ABHD17B: variants seen among roughly 807,000 people sequenced by gnomAD.
The protein encoded by ABHD17B is abhydrolase domain containing 17B, depalmitoylase, also known as alpha/beta hydrolase domain-containing protein 17B.
Under a neutral mutation model 26.2 loss-of-function variants are expected in ABHD17B, and 9 were observed. The observed-to-expected ratio is 0.34, with a 90% CI of 0.21 to 0.60. The LOEUF (loss-of-function observed/expected upper bound fraction) is 0.60, where lower values mean the gene tolerates loss of function less well. Ranked by LOEUF, ABHD17B falls within the 20% of genes least tolerant of loss-of-function variation. The pLI is 0.80. For missense variants in ABHD17B, 224 were observed against 352.1 expected (o/e 0.64, Z 2.91); for synonymous variants, 127 against 122.3 (o/e 1.04, Z -0.25).
intron 1 of ABHD17B, among the ~76,000 whole-genome samples, chr9:71,897,043 TA>T (rs1212803827): frequency 6.6e-6 from 1 of 152,194 alleles, no homozygotes; most frequent in African/African-American, 2.4e-5. Flanking sequence ...CACATGAATT[TA>T]TAACTAGAAA....
intron 1 of ABHD17B, among the ~76,000 whole-genome samples, chr9:71,887,737 C>T (rs1393698357): frequency 6.6e-6 from 1 of 152,202 alleles, no homozygotes; most frequent in Non-Finnish European, 1.5e-5. Context: ...GAGCACCTTC[C>T]TTCCTGGCTT....
downstream of ABHD17B, chr9:71,862,664 A>ATG: frequency 1.2e-6 from 1 of 810,360 alleles, no homozygotes; most frequent in East Asian, 2.5e-5. Flanking sequence ...ATCTGAGTTT[A>ATG]TGTGGCTTTC....
chr9:71,877,039 G>C (rs769332053), intron 1 of ABHD17B, among the ~76,000 whole-genome samples: 3 of 152,182 alleles, frequency 2.0e-5, no homozygotes, highest in Admixed American at 6.5e-5. Flanking sequence ...AGGGCTTCCT[G>C]AAGTGTTGTG....
chr9:71,886,651 C>T (rs1218694785), intron 1 of ABHD17B, among the ~76,000 whole-genome samples: 1 of 152,088 alleles, frequency 6.6e-6, no homozygotes, highest in East Asian at 1.9e-4. Flanking sequence ...TCCCGAGCAG[C>T]TGGGACCACA....
chr9:71,906,772 G>A (rs1242316746), intron 1 of ABHD17B, among the ~76,000 whole-genome samples: 2 of 151,488 alleles, frequency 1.3e-5, no homozygotes, highest in Non-Finnish European at 2.9e-5. Flanking sequence ...GAGTTGTATG[G>A]CTCCAGAGAT....
chr9:71,888,102 CACT>C (rs1259951283), intron 1 of ABHD17B, among the ~76,000 whole-genome samples: 1 of 152,202 alleles, frequency 6.6e-6, no homozygotes, highest in Non-Finnish European at 1.5e-5. Flanking sequence ...GTATCCTAAA[CACT>C]TACAATCTTG....
intron 1 of ABHD17B, among the ~76,000 whole-genome samples, chr9:71,881,616 G>A (rs1826442056): frequency 6.6e-6 from 1 of 152,172 alleles, no homozygotes; most frequent in Admixed American, 6.5e-5. Context: ...AGCTGGGCAC[G>A]GTGGCTCAAG....
At chr9:71,868,116 G>A (rs1287897541) in intron 3 of ABHD17B, among the ~76,000 whole-genome samples, 7 of 151,854 alleles carry the variant, frequency 4.6e-5, no homozygotes, top group Admixed American at 6.6e-5. Flanking sequence ...CTACTCGCGA[G>A]GCTGAGGCAG....
At chr9:71,891,481 T>G (rs576449362) in intron 1 of ABHD17B, among the ~76,000 whole-genome samples, 173 of 152,362 alleles carry the variant, frequency 1.1e-3, no homozygotes, top group African/African-American at 3.9e-3. Context: ...CTTTTCTTTT[T>G]GTTCTCTTCA....
chr9:71,894,492 C>A (rs1826897611), intron 1 of ABHD17B, among the ~76,000 whole-genome samples: 1 of 152,104 alleles, frequency 6.6e-6, no homozygotes, highest in Non-Finnish European at 1.5e-5. Context: ...TACAGGTGCC[C>A]CGCCACGACA....
chr9:71,864,428 C>T (rs550212480), downstream of ABHD17B, among the ~76,000 whole-genome samples: 46 of 151,778 alleles, frequency 3.0e-4, 1 homozygote, highest in Admixed American at 6.6e-5. Flanking sequence ...ACCGTGTTAG[C>T]CAGGATGGTC....
chr9:71,889,541 G>C (rs1564069202), intron 1 of ABHD17B, among the ~76,000 whole-genome samples: 1 of 152,098 alleles, frequency 6.6e-6, no homozygotes, highest in Non-Finnish European at 1.5e-5. Context: ...ATTACACAGG[G>C]AAGTTGGGGG....
intron 3 of ABHD17B, among the ~76,000 whole-genome samples, chr9:71,868,411 C>A (rs375826200): frequency 1.3e-5 from 2 of 152,074 alleles, no homozygotes; most frequent in African/African-American, 4.8e-5. Context: ...CTTCAAATAA[C>A]AGAGGAATCA....
In ABHD17B at chr9:71,886,713, G is replaced by T. The variant is rs1013621531; in HGVS notation, c.-3-11630C>A. The stretch of plus-strand genomic sequence containing the variant: ...TATTCGTACTTTTTGTAGAGACAGG[G>T]TTTCATGGATGAAACGGGTTCACAG... On this transcript the variant is annotated intron_variant, in intron 1 of 3. Transcript: ENST00000333421. Among the ~76,000 whole-genome samples the T allele has an allele frequency of 2.0e-5, 3 of 151,920 alleles. No homozygotes were observed. In the South Asian group the frequency reaches 6.2e-4, roughly 32 times the overall value.
rs538872290 is a variant in ABHD17B at position 71,865,816 on chromosome 9, G to A, written c.*971C>T. ...GCAGAGGTTGCAGTGAATCAAGATCGCGCCACTGCACTCCAGCCTCAGTGA... is the reference window on the plus strand; with the variant it reads ...GCAGAGGTTGCAGTGAATCAAGATCACGCCACTGCACTCCAGCCTCAGTGA... On this transcript the variant is annotated 3_prime_UTR_variant, in exon 4 of 4. Transcript: ENST00000333421. 35 of 901,408 alleles carry A rather than the reference G, an allele frequency of 3.9e-5. No homozygotes were observed. The highest frequency in any genetic ancestry group is 5.1e-5 in the South Asian group (1 of 19,534). The allele number at this position is 901,408 out of a possible 1,614,324, so 55.8% of individuals were successfully genotyped here.
chr9:71,906,925 G>A (rs1827303122), intron 1 of ABHD17B, among the ~76,000 whole-genome samples: 1 of 152,138 alleles, frequency 6.6e-6, no homozygotes, highest in Non-Finnish European at 1.5e-5. Flanking sequence ...TACACTTGGT[G>A]GCTAATCTTG....
rs182422229 is a variant in ABHD17B at position 71,881,645 on chromosome 9, C to T, written c.-3-6562G>A. Reference sequence around the variant, plus strand: ...GCTCAAGCCTGTAATCCCAGCACTTCGGAAGGCCGAGGCGGACGGATCATG... The same window carrying T: ...GCTCAAGCCTGTAATCCCAGCACTTTGGAAGGCCGAGGCGGACGGATCATG... On this transcript the variant is annotated intron_variant, in intron 1 of 3. Coordinates refer to ENST00000333421, the MANE Select transcript of ABHD17B (RefSeq NM_001025780.3). Among the ~76,000 whole-genome samples, 261 of 152,246 alleles carry T rather than the reference C, an allele frequency of 1.7e-3. 3 individuals carry two copies. The highest frequency in any genetic ancestry group is 5.9e-3 in the African/African-American group (245 of 41,552).
Position 71,865,203 on chromosome 9 carries a change from C to T in ABHD17B, c.*1584G>A. 1.0e-6 allele frequency: 1 copy of T among 985,504 alleles called. No individual in the cohort carries two copies. The highest frequency in any genetic ancestry group is 1.2e-6 in the Non-Finnish European group (1 of 829,884). The allele number at this position is 985,504 out of a possible 1,614,324, so 61.0% of individuals were successfully genotyped here. A position where few individuals can be genotyped will look rare whatever the true frequency, so the allele number is the denominator to read the frequency against. ...TTAATTTGACACATCTGAACCAAAG[C>T]ATTCACAATACTTGATATACTTTGA... On this transcript the variant is annotated 3_prime_UTR_variant, in exon 4 of 4. Transcript: ENST00000333421.
chr9:71,882,148 T>C (rs1826463033), intron 1 of ABHD17B, among the ~76,000 whole-genome samples: 1 of 152,206 alleles, frequency 6.6e-6, no homozygotes, highest in African/African-American at 2.4e-5. Context: ...GGAACCCTCA[T>C]ACACTGCTGA....
Sources: gnomAD v4.1 joint callset for allele counts (sites outside exome capture counted in the v4.1 genomes callset) on GRCh38, gnomAD v4.1.1 for gene constraint, MANE v1.5 for transcripts, NCBI Gene and HGNC (gene_info 2026-07-23, HGNC 2026-07-21) for gene names.